MTRF1: variants seen among roughly 807,000 people sequenced by gnomAD.
The protein encoded by MTRF1 is peptide chain release factor 1, mitochondrial.
A neutral mutation model predicts 62.9 loss-of-function variants in MTRF1; 51 were observed. The ratio of observed to expected loss-of-function variants is 0.81; its 90% CI spans 0.65 to 1.02. MTRF1 has a LOEUF of 1.02. MTRF1 is among the 50% of genes least tolerant of loss of function. MTRF1 has a pLI of 0.00. For missense variants in MTRF1, 446 were observed against 530.0 expected (o/e 0.84, Z 1.56); for synonymous variants, 158 against 181.9 (o/e 0.87, Z 1.06).
chr13:41,288,070 G>C, the MTRF1 span: 1 of 429,194 alleles, frequency 2.3e-6, no homozygotes. Flanking sequence ...AGACTCACAA[G>C]GGAGAAGCAT....
the MTRF1 span, among the ~76,000 whole-genome samples, chr13:41,302,253 C>T: frequency 2.6e-5 from 4 of 152,048 alleles, no homozygotes; most frequent in African/African-American, 9.7e-5. Context: ...TGGTCTCGAA[C>T]TCCTGATCTC....
At chr13:41,251,356 T>C (rs9532754) in intron 5 of MTRF1, among the ~76,000 whole-genome samples, 6,896 of 152,262 alleles carry the variant, frequency 0.045, 228 homozygotes, top group Middle Eastern at 0.092. Flanking sequence ...TTAAAATATA[T>C]ATCTTATCAA....
chr13:41,226,518 T>C lies in MTRF1; in HGVS notation c.1039A>G (p.Ile347Val), dbSNP rs1362343757. The change falls in exon 8 of 10, where the codon ATA becomes GTA. Residue 347 changes from isoleucine (I) to valine (V), a missense_variant. Physicochemically the swap from Ile to Val is conservative, Grantham distance 29. Coordinates refer to ENST00000379480, the MANE Select transcript of MTRF1 (RefSeq NM_004294.4). Reference sequence around the variant, plus strand: ...CTAGCTCTCAACACACGAAAGGCTATTTCTTTATTTTTTATCTGTGATCTT... The same window carrying C: ...CTAGCTCTCAACACACGAAAGGCTACTTCTTTATTTTTTATCTGTGATCTT... ...QERSQIKNKE[I>V]AFRVLRARLY... The C allele has an allele frequency of 6.2e-7, 1 of 1,613,880 alleles. No homozygotes were observed. The highest frequency in any genetic ancestry group is 1.3e-5 in the African/African-American group (1 of 74,920).
the MTRF1 span, chr13:41,311,296 C>T: frequency 1.8e-6 from 1 of 545,526 alleles, no homozygotes; most frequent in African/African-American, 2.0e-5. Flanking sequence ...GCCGCCGCCG[C>T]TGGCCAAAAA....
chr13:41,297,742 AT>A, the MTRF1 span, among the ~76,000 whole-genome samples: 3 of 151,446 alleles, frequency 2.0e-5, no homozygotes, highest in African/African-American at 4.9e-5. Context: ...CACCCAGCTA[AT>A]TTTTTTTATT....
intron 6 of MTRF1, among the ~76,000 whole-genome samples, chr13:41,238,597 T>TGATTC (rs764739711): frequency 4.6e-5 from 7 of 152,194 alleles, no homozygotes; most frequent in Non-Finnish European, 7.3e-5. Flanking sequence ...AGTAAAGAAC[T>TGATTC]GATTCAGGCA....
chr13:41,257,366 T>C (rs1022520841), intron 2 of MTRF1, among the ~76,000 whole-genome samples: 3 of 152,068 alleles, frequency 2.0e-5, no homozygotes, highest in Admixed American at 6.6e-5. Flanking sequence ...AAGTCAGAGA[T>C]GTAATGAAGA....
chr13:41,294,457 G>A, the MTRF1 span, among the ~76,000 whole-genome samples: 1 of 150,694 alleles, frequency 6.6e-6, no homozygotes, highest in Non-Finnish European at 1.5e-5. Context: ...AACGGATAAA[G>A]TTGTGTTCTT....
At chr13:41,242,205 T>C (rs534201752) in intron 5 of MTRF1, among the ~76,000 whole-genome samples, 3 of 152,352 alleles carry the variant, frequency 2.0e-5, no homozygotes, top group Admixed American at 6.5e-5. Flanking sequence ...ATTATCATTA[T>C]GAACTCAAGG....
At chr13:41,275,093 G>A in the MTRF1 span, among the ~76,000 whole-genome samples, 1 of 152,114 alleles carries the variant, frequency 6.6e-6, no homozygotes, top group Admixed American at 6.5e-5. Context: ...CATCGTTCTC[G>A]AACAGTTGTT....
chr13:41,298,396 T>TTAAATAGTTTTTTTTTC, the MTRF1 span, among the ~76,000 whole-genome samples: 6 of 150,536 alleles, frequency 4.0e-5, no homozygotes, highest in South Asian at 8.4e-4. Context: ...ATTACGAAGT[T>TTAAATAGTTTTTTTTTC]ACACTCTCAT....
chr13:41,220,566 A>G (rs900080449), intron 9 of MTRF1: 1 of 1,286,934 alleles, frequency 7.8e-7, no homozygotes, highest in African/African-American at 1.5e-5. Flanking sequence ...TGAGAATACC[A>G]GGTGATCTCA....
At chr13:41,283,967 G>C in the MTRF1 span, among the ~76,000 whole-genome samples, 17 of 152,140 alleles carry the variant, frequency 1.1e-4, 1 homozygote, top group South Asian at 3.3e-3. Context: ...AGCACTAGGT[G>C]GGGGAAACAT....
chr13:41,244,978 T>C (rs1307006323), intron 5 of MTRF1, among the ~76,000 whole-genome samples: 1 of 152,242 alleles, frequency 6.6e-6, no homozygotes, highest in Non-Finnish European at 1.5e-5. Flanking sequence ...CTGCTCTGAC[T>C]TTTATCATCT....
chr13:41,233,966 T>C lies in MTRF1; in HGVS notation c.912A>G (p.Thr304=). ...KLDPKDLRID[T]FRAKGAGGQH... ...GCCCTCCTGCTCCTTTGGCTCGAAA[T>C]GTATCTATTCGCAAATCCTTGGGGT... The change falls in exon 7 of 10, where the codon ACA becomes ACG. Residue 304 remains threonine, a synonymous_variant. Coordinates refer to ENST00000379480, the MANE Select transcript of MTRF1 (RefSeq NM_004294.4). The C allele has an allele frequency of 2.5e-6, 4 of 1,614,124 alleles. No homozygotes were observed. Among genetic ancestry groups the C allele is most frequent in the East Asian group, 2.2e-5 (1 of 44,880 alleles).
Position 41,254,512 on chromosome 13 carries a change from G to C in MTRF1, c.507+17C>G, listed in dbSNP as rs1411785933. 2.5e-6 allele frequency: 4 copies of C among 1,593,672 alleles called. No individual in the cohort carries two copies. The highest frequency in any genetic ancestry group is 3.4e-6 in the Non-Finnish European group (4 of 1,162,328). ...TTATACAGCACTATTGAAACTAGTC[G>C]ACCTCTGAAAACCTACCTCATTGTA... is the stretch of plus-strand genomic sequence containing the variant. On this transcript the variant is annotated intron_variant, in intron 3 of 9. Coordinates refer to ENST00000379480, the MANE Select transcript of MTRF1 (RefSeq NM_004294.4).
chr13:41,257,600 A>G (rs888610450), intron 2 of MTRF1: 2 of 182,372 alleles, frequency 1.1e-5, no homozygotes, highest in African/African-American at 4.6e-5. Flanking sequence ...GAGGGAAAAC[A>G]CAGGCTGGGC....
intron 1 of MTRF1, chr13:41,262,003 G>A (rs1406131354): frequency 4.0e-5 from 5 of 125,660 alleles, no homozygotes; most frequent in Admixed American, 7.7e-5. Flanking sequence ...AAAAAAAAAA[G>A]CACATAGAGT....
chr13:41,242,849 T>C (rs7319405), intron 5 of MTRF1, among the ~76,000 whole-genome samples: 98,759 of 151,838 alleles, frequency 0.65, 32,364 homozygotes, highest in Admixed American at 0.66. Flanking sequence ...TGTGCAAAGC[T>C]GAGGGGGGCA....
Sources: gnomAD v4.1 joint callset for allele counts (sites outside exome capture counted in the v4.1 genomes callset) on GRCh38, gnomAD v4.1.1 for gene constraint, MANE v1.5 for transcripts, NCBI Gene and HGNC (gene_info 2026-07-23, HGNC 2026-07-21) for gene names.